WBP2NL: variants seen among roughly 807,000 people sequenced by gnomAD.
WBP2NL encodes postacrosomal sheath WW domain-binding protein.
A neutral mutation model predicts 23.3 loss-of-function variants in WBP2NL; 27 were observed. The observed-to-expected ratio is 1.16, with a 90% CI of 0.85 to 1.60. WBP2NL has a LOEUF of 1.60. Ranked by LOEUF, WBP2NL falls within the 40% of genes most tolerant of loss-of-function variation. The pLI is 0.00. For missense variants in WBP2NL, 370 were observed against 389.5 expected (o/e 0.95, Z 0.42); for synonymous variants, 151 against 145.9 (o/e 1.03, Z -0.25).
intron 4 of WBP2NL, 126 bp from the exon 5 acceptor site, chr22:42,022,123 C>T (rs997624123): frequency 2.6e-6 from 2 of 783,048 alleles, no homozygotes; most frequent in Non-Finnish European, 4.3e-6. Flanking sequence ...TATCTTGTGT[C>T]TCAAGAGCAT....
At chr22:42,015,901 C>T (rs2146779284) in intron 1 of WBP2NL, among the ~76,000 whole-genome samples, 1 of 152,214 alleles carries the variant, frequency 6.6e-6, no homozygotes, top group Admixed American at 6.5e-5. Context: ...TCATCCTTTC[C>T]TTTAGCTTTT....
downstream of WBP2NL, chr22:42,031,299 T>C (rs1366096104): frequency 1.3e-5 from 2 of 152,232 alleles, no homozygotes; most frequent in Non-Finnish European, 2.9e-5. Flanking sequence ...GTTTTTGCTT[T>C]GCTGAGGACA....
intron 4 of WBP2NL, among the ~76,000 whole-genome samples, chr22:42,021,862 A>G (rs1468979540): frequency 6.6e-6 from 1 of 150,390 alleles, no homozygotes; most frequent in Non-Finnish European, 1.5e-5. Flanking sequence ...AGTGGCACAG[A>G]TAAGGCTCAC....
chr22:42,013,698 A>G (rs1055420136), intron 1 of WBP2NL, among the ~76,000 whole-genome samples: 2 of 151,880 alleles, frequency 1.3e-5, no homozygotes, highest in Admixed American at 6.6e-5. Flanking sequence ...CAGCCTCGAC[A>G]TCCCAGGCTC....
downstream of WBP2NL, among the ~76,000 whole-genome samples, chr22:42,037,848 A>T (rs202023934): frequency 3.4e-5 from 3 of 87,500 alleles, no homozygotes; most frequent in African/African-American, 1.7e-4. Context: ...AGAGAGAGTG[A>T]GAGTGTGTGT....
chr22:42,019,868 C>T (rs1923720249), intron 3 of WBP2NL, 65 bp downstream of exon 3: 1 of 1,603,534 alleles, frequency 6.2e-7, no homozygotes, highest in Admixed American at 1.7e-5. Flanking sequence ...GTTTAAGATT[C>T]AAACTTGGCT....
intron 8 of WBP2NL, among the ~76,000 whole-genome samples, chr22:42,040,291 C>T (rs1602477552): frequency 2.0e-5 from 3 of 151,252 alleles, no homozygotes; most frequent in Non-Finnish European, 2.9e-5. Flanking sequence ...GGTGCGATCT[C>T]AGCTCACTGC....
intron 8 of WBP2NL, among the ~76,000 whole-genome samples, chr22:42,057,848 C>T (rs5996105): frequency 1.2e-4 from 9 of 77,398 alleles, no homozygotes; most frequent in Admixed American, 1.8e-4. Flanking sequence ...TATATATATA[C>T]ACATATATGT....
At chr22:42,004,313 G>T (rs976582247) in intron 1 of WBP2NL, among the ~76,000 whole-genome samples, 3 of 152,118 alleles carry the variant, frequency 2.0e-5, no homozygotes, top group Admixed American at 2.0e-4. Flanking sequence ...AGGAACAAGG[G>T]CTGGGTGCAG....
At chr22:42,046,522 A>T (rs1254557309) in intron 8 of WBP2NL, among the ~76,000 whole-genome samples, 6 of 152,112 alleles carry the variant, frequency 3.9e-5, no homozygotes, top group Non-Finnish European at 7.4e-5. Flanking sequence ...GAAATTTTTT[A>T]AAAAGTTTTA....
At chr22:42,018,930 A>C (rs1392238456) in intron 1 of WBP2NL, among the ~76,000 whole-genome samples, 3 of 151,590 alleles carry the variant, frequency 2.0e-5, no homozygotes, top group African/African-American at 7.3e-5. Flanking sequence ...AAAAAAAAAA[A>C]AACTACATTA....
chr22:42,022,739 G>C (rs1398962119), intron 5 of WBP2NL, among the ~76,000 whole-genome samples: 1 of 152,108 alleles, frequency 6.6e-6, no homozygotes, highest in Non-Finnish European at 1.5e-5. Context: ...CTCGAGCCCT[G>C]GGTCCTTTAA....
intron 1 of WBP2NL, chr22:42,002,905 A>G (rs1056142397): frequency 6.6e-6 from 1 of 152,224 alleles, no homozygotes; most frequent in African/African-American, 2.4e-5. Flanking sequence ...CGAGAGGCTA[A>G]GGTGGGAGGA....
intron 8 of WBP2NL, among the ~76,000 whole-genome samples, chr22:42,053,151 T>G (rs1049284783): frequency 2.6e-5 from 4 of 152,216 alleles, no homozygotes; most frequent in African/African-American, 9.6e-5. Context: ...TCAACCGTGT[T>G]GTGGCATGTG....
intron 8 of WBP2NL, among the ~76,000 whole-genome samples, chr22:42,058,109 G>A (rs1037615347): frequency 4.0e-5 from 6 of 149,972 alleles, no homozygotes; most frequent in African/African-American, 1.2e-4. Context: ...ATAGAGATGG[G>A]GTTTCACCGT....
At chr22:42,020,181 T>G in intron 4 of WBP2NL, 85 bp downstream of exon 4, 1 of 1,295,334 alleles carries the variant, frequency 7.7e-7, no homozygotes. Flanking sequence ...TTGCTGTTGT[T>G]GTTGTTTTGT....
downstream of WBP2NL, chr22:42,032,694 T>C: frequency 2.2e-6 from 1 of 459,670 alleles, no homozygotes; most frequent in Non-Finnish European, 4.5e-6. Flanking sequence ...GCCTTGAGAG[T>C]CTTCTGGAGC....
chr22:42,053,320 C>A (rs1285761772), intron 8 of WBP2NL, among the ~76,000 whole-genome samples: 3 of 152,202 alleles, frequency 2.0e-5, no homozygotes, highest in South Asian at 2.1e-4. Context: ...TTTTAAATTT[C>A]TCTTAGGCAT....
intron 8 of WBP2NL, among the ~76,000 whole-genome samples, chr22:42,043,143 G>A (rs1393930872): frequency 2.0e-5 from 3 of 152,126 alleles, no homozygotes; most frequent in African/African-American, 7.2e-5. Flanking sequence ...AGTGTGCCAT[G>A]GCATTGGTTC....
Sources: gnomAD v4.1 joint callset for allele counts (sites outside exome capture counted in the v4.1 genomes callset) on GRCh38, gnomAD v4.1.1 for gene constraint, MANE v1.5 for transcripts, NCBI Gene and HGNC (gene_info 2026-07-23, HGNC 2026-07-21) for gene names.